The following TMEM231 variants were observed in gnomAD, a reference collection of about 807,000 sequenced individuals.
TMEM231 encodes the protein transmembrane protein 231.
Under a neutral mutation model 38.5 loss-of-function variants are expected in TMEM231, and 40 were observed. That is an observed-to-expected ratio of 1.04 (90% CI 0.81 to 1.35). The LOEUF is 1.35. TMEM231 is among the 40% of genes most tolerant of loss of function. The probability of loss-of-function intolerance (pLI) is 0.00; values close to 1 mark genes in which losing one functional copy is unlikely to be tolerated. For synonymous variants in TMEM231, 199 were observed against 181.7 expected (o/e 1.10, Z -0.77); for missense variants, 420 against 416.9 (o/e 1.01, Z -0.07).
At chr16:75,540,205 T>C (rs1315579001) in intron 6 of TMEM231, 31 bp from the exon 7 acceptor site, 7 of 1,585,020 alleles carry the variant, frequency 4.4e-6, no homozygotes, top group African/African-American at 2.7e-5. Context: ...AAGGGCCACA[T>C]GGTGTTAAGT....
intron 2 of TMEM231, among the ~76,000 whole-genome samples, chr16:75,551,379 A>G (rs1032129686): frequency 6.6e-6 from 1 of 151,918 alleles, no homozygotes; most frequent in African/African-American, 2.4e-5. Flanking sequence ...TAAATTTTTT[A>G]TAGTAGGGCC....
chr16:75,548,689 C>T (rs554493046), intron 2 of TMEM231, among the ~76,000 whole-genome samples: 176 of 152,142 alleles, frequency 1.2e-3, no homozygotes, highest in African/African-American at 4.1e-3. Flanking sequence ...GGCAACATGG[C>T]GATACCCTGC....
rs368574892 is a variant in TMEM231 at position 75,543,159 on chromosome 16, G to C, written c.583-476C>G. On this transcript the variant is annotated intron_variant, in intron 4 of 6. Transcript: ENST00000258173. ...AGTGACTTGGGAGGCTGAGGCAGGA[G>C]GACCACTTGAGGCCATGAGTTCAAG... Among the ~76,000 whole-genome samples the C allele has an allele frequency of 4.6e-5, 7 of 152,124 alleles. No individual in the cohort carries two copies. The South Asian group carries it at 1.4e-3, about 32-fold the overall frequency.
chr16:75,555,693 G>A, intron 2 of TMEM231, 111 bp downstream of exon 2: 1 of 1,189,254 alleles, frequency 8.4e-7, no homozygotes. Context: ...GAGTCCTTAG[G>A]ATCAAAGCTG....
At chr16:75,542,522 C>T (rs2080638661) in intron 5 of TMEM231, 80 bp downstream of exon 5, 1 of 1,143,042 alleles carries the variant, frequency 8.7e-7, no homozygotes, top group African/African-American at 1.5e-5. Flanking sequence ...CACAAGGGTT[C>T]CAGTTCTGCT....
At chr16:75,555,634 A>G (rs1229003414) in intron 2 of TMEM231, 170 bp downstream of exon 2, 2 of 601,430 alleles carry the variant, frequency 3.3e-6, no homozygotes, top group East Asian at 6.6e-5. Context: ...GAAACAGAAG[A>G]TCGATTCCCT....
Position 75,555,945 on chromosome 16 carries a change from C to T in TMEM231, c.168G>A (p.Glu56=), listed in dbSNP as rs865954032. ...GTTGGAAGCGCACGGTCGGCTGCTC[C>T]TCGTAGCTGCTCCGCTTCAGCCAAA... The part of the protein sequence containing the change: ...HGFWLKRSSY[E]EQPTVRFQHQ... Residue 56 remains glutamate, a synonymous_variant, in exon 2 of 7, where the codon GAG becomes GAA. Transcript: ENST00000258173. 6.2e-7 allele frequency: 1 copy of T among 1,603,986 alleles called. No individual in the cohort carries two copies. Among genetic ancestry groups the T allele is most frequent in the Non-Finnish European group, 8.5e-7 (1 of 1,175,772 alleles).
chr16:75,553,783 A>G (rs1008468411), intron 2 of TMEM231, among the ~76,000 whole-genome samples: 1 of 152,106 alleles, frequency 6.6e-6, no homozygotes, highest in African/African-American at 2.4e-5. Context: ...TCAGCCTTCC[A>G]AAGTGCTAGG....
At chr16:75,548,123 T>C (rs2080715705) in intron 2 of TMEM231, among the ~76,000 whole-genome samples, 1 of 152,230 alleles carries the variant, frequency 6.6e-6, no homozygotes, top group South Asian at 2.1e-4. Context: ...AGGGCATTTA[T>C]CAGAGGTACA....
intron 2 of TMEM231, among the ~76,000 whole-genome samples, chr16:75,551,673 G>C (rs2080763096): frequency 1.3e-5 from 2 of 152,064 alleles, no homozygotes; most frequent in African/African-American, 4.8e-5. Flanking sequence ...AAAAATATAA[G>C]CAAAATAGGT....
chr16:75,551,600 A>T (rs2080762246), intron 2 of TMEM231, among the ~76,000 whole-genome samples: 1 of 152,200 alleles, frequency 6.6e-6, no homozygotes, highest in African/African-American at 2.4e-5. Flanking sequence ...CTTACTTTTT[A>T]AAAAGTTACT....
intron 4 of TMEM231, among the ~76,000 whole-genome samples, chr16:75,543,456 G>A (rs915497479): frequency 6.6e-6 from 1 of 152,024 alleles, no homozygotes; most frequent in Non-Finnish European, 1.5e-5. Flanking sequence ...TGTAATCCCA[G>A]CTATTCAGGA....
At position 75,555,728 on chromosome 16, in the gene TMEM231, GC is replaced by G. The variant is rs1034160959; in HGVS notation, c.309+75del. The G allele has an allele frequency of 8.0e-6, 11 of 1,369,838 alleles. No homozygotes were observed. In the African/African-American group the frequency reaches 1.5e-4, roughly 19 times the overall value. The allele number at this position is 1,369,838 out of a possible 1,614,324, so 84.9% of individuals were successfully genotyped here. A position where few individuals can be genotyped will look rare whatever the true frequency, so the allele number is the denominator to read the frequency against. On this transcript the variant is annotated intron_variant, in intron 2 of 6. Coordinates refer to ENST00000258173, the MANE Select transcript of TMEM231 (RefSeq NM_001077418.3). Reference sequence around the variant, plus strand: ...GGGCTCCCCAGGGCCGGGGCCGCTCGCCCCACATCCTCATTCCAGTCCCCAT... The same window carrying G: ...GGGCTCCCCAGGGCCGGGGCCGCTCGCCCACATCCTCATTCCAGTCCCCAT...
In TMEM231 at chr16:75,545,138, TAG is replaced by T. The variant is rs201714620; in HGVS notation, c.582+212_582+213del. Among the ~76,000 whole-genome samples, 1,816 of 151,870 alleles carry T rather than the reference TAG, an allele frequency of 0.012. 42 individuals are homozygous for T. Among genetic ancestry groups the T allele is most frequent in the African/African-American group, 0.041 (1,682 of 41,396 alleles). The stretch of plus-strand genomic sequence containing the variant: ...CCTGGCTAATTTTTTGTATTTTTAG[TAG>T]AGACAGGGTTTCACCAGGTTGGCCA... On this transcript the variant is annotated intron_variant, in intron 4 of 6. Coordinates refer to ENST00000258173, the MANE Select transcript of TMEM231 (RefSeq NM_001077418.3).
intron 2 of TMEM231, among the ~76,000 whole-genome samples, chr16:75,550,916 C>A (rs2080753158): frequency 6.6e-6 from 1 of 152,110 alleles, no homozygotes; most frequent in African/African-American, 2.4e-5. Context: ...GGGGTTTCAC[C>A]ATGTTGGCCA....
At chr16:75,549,502 T>A (rs968159867) in intron 2 of TMEM231, among the ~76,000 whole-genome samples, 1 of 152,104 alleles carries the variant, frequency 6.6e-6, no homozygotes, top group Non-Finnish European at 1.5e-5. Flanking sequence ...ATAGATAAAT[T>A]GAGGGTGAGG....
rs369871878 is a variant in TMEM231, at chr16:75,539,297, G to T, written c.*697C>A. 1 of 152,410 alleles carries T rather than the reference G, an allele frequency of 6.6e-6. No homozygotes were observed. The highest frequency in any genetic ancestry group is 2.4e-5 in the African/African-American group (1 of 41,480). The allele number at this position is 152,410 out of a possible 1,614,324, so 9.4% of individuals were successfully genotyped here. On this transcript the variant is annotated 3_prime_UTR_variant, in exon 7 of 7. Coordinates refer to ENST00000258173, the MANE Select transcript of TMEM231 (RefSeq NM_001077418.3). ...CTGCCATCCAGGGGCACAGACAGAG[G>T]GAAAAATAGGGCAAAGAGCCCAGTC...
intron 2 of TMEM231, 129 bp from the exon 3 acceptor site, chr16:75,546,083 A>T: frequency 6.5e-7 from 1 of 1,546,424 alleles, no homozygotes; most frequent in Non-Finnish European, 8.7e-7. Flanking sequence ...CTCCACTAAA[A>T]GAGAAAAGCA....
In TMEM231 at chr16:75,540,002, A is replaced by C. The variant is rs1459683666; in HGVS notation, c.943T>G (p.Leu315Val). The change falls in exon 7 of 7, where the codon TTA (leucine) becomes GTA (valine). Residue 315 changes from leucine (L) to valine (V), a missense_variant. Transcript: ENST00000258173. ...TPRGDLCKEH[L>V]S ...CTTCAGAAATGGCCTTTCTAGGATA[A>C]GTGCTCCTTACACAAGTCTCCCCGG... The C allele has an allele frequency of 2.5e-6, 4 of 1,610,542 alleles. No individual in the cohort carries two copies. The East Asian group carries it at 8.9e-5, about 36-fold the overall frequency.
Sources: gnomAD v4.1 joint callset for allele counts (sites outside exome capture counted in the v4.1 genomes callset) on GRCh38, gnomAD v4.1.1 for gene constraint, MANE v1.5 for transcripts, NCBI Gene and HGNC (gene_info 2026-07-23, HGNC 2026-07-21) for gene names.